Variants in CSMD1 observed in about 807,000 individuals in gnomAD.
CSMD1 encodes the protein CUB and Sushi multiple domains 1.
In CSMD1, 213 loss-of-function variants were observed where a neutral mutation model predicts 417.5. That is an observed-to-expected ratio of 0.51 (90% CI 0.46 to 0.57). The LOEUF (loss-of-function observed/expected upper bound fraction) is 0.57, where lower values mean the gene tolerates loss of function less well. Among genes scored for constraint, CSMD1 ranks in the 20% least tolerant of loss-of-function variants. The pLI is 0.00. For synonymous variants in CSMD1, 2,862 were observed against 1,736.8 expected (o/e 1.65, Z -16.11); for missense variants, 6,923 against 4,529.7 (o/e 1.53, Z -15.17).
intron 50 of CSMD1, among the ~76,000 whole-genome samples, chr8:3,039,600 C>G (rs1810950454): frequency 6.6e-6 from 1 of 151,892 alleles, no homozygotes; most frequent in Non-Finnish European, 1.5e-5. Context: ...ACTTCCACCA[C>G]TTGTACTAAC....
rs62480997 is a variant in CSMD1, at chr8:4,416,865, A to G, written c.415+3088T>C. On this transcript the variant is annotated intron_variant, in intron 3 of 69. Transcript: ENST00000635120. ...TGATAAAAGAAGAAACATTACACAA[A>G]TAAAATTTATAGACATAGTACTTCA... Among the ~76,000 whole-genome samples, 1,309 of 152,224 alleles carry G rather than the reference A, an allele frequency of 8.6e-3. 7 individuals carry two copies. Among genetic ancestry groups the G allele is most frequent in the Middle Eastern group, 0.014 (4 of 294 alleles).
At chr8:3,242,883 G>A (rs926436766) in intron 26 of CSMD1, among the ~76,000 whole-genome samples, 1 of 152,022 alleles carries the variant, frequency 6.6e-6, no homozygotes, top group Non-Finnish European at 1.5e-5. Flanking sequence ...AGAGATAAGA[G>A]GTTGGGGCGT....
chr8:3,822,856 G>T (rs972219485), intron 5 of CSMD1, among the ~76,000 whole-genome samples: 1 of 151,994 alleles, frequency 6.6e-6, no homozygotes, highest in African/African-American at 2.4e-5. Context: ...CTATGCATGT[G>T]GTATTTAGAA....
At chr8:4,492,779 C>T (rs1801770475) in intron 2 of CSMD1, among the ~76,000 whole-genome samples, 2 of 152,218 alleles carry the variant, frequency 1.3e-5, no homozygotes, top group Non-Finnish European at 2.9e-5. Flanking sequence ...AATCTCTTTC[C>T]ATACAGTTCT....
chr8:4,257,059 T>C (rs1361284613), intron 3 of CSMD1, among the ~76,000 whole-genome samples: 3 of 152,218 alleles, frequency 2.0e-5, no homozygotes, highest in African/African-American at 4.8e-5. Context: ...GTCATCATTT[T>C]AAAATTGACA....
At chr8:4,552,566 T>C (rs1364182322) in intron 2 of CSMD1, among the ~76,000 whole-genome samples, 2 of 152,090 alleles carry the variant, frequency 1.3e-5, no homozygotes, top group Admixed American at 1.3e-4. Context: ...CACTAGTATC[T>C]TGGGCATCCG....
intron 2 of CSMD1, among the ~76,000 whole-genome samples, chr8:4,620,446 T>A (rs1034882968): frequency 1.3e-5 from 2 of 151,610 alleles, no homozygotes; most frequent in African/African-American, 4.8e-5. Flanking sequence ...TAAATAATCA[T>A]AGATAACGCT....
At chr8:4,126,946 G>A (rs1802798620) in intron 3 of CSMD1, among the ~76,000 whole-genome samples, 1 of 152,048 alleles carries the variant, frequency 6.6e-6, no homozygotes, top group Non-Finnish European at 1.5e-5. Flanking sequence ...AAGAGACCCT[G>A]CAGGTGAGGA....
chr8:4,528,596 A>C (rs1487227506), intron 2 of CSMD1, among the ~76,000 whole-genome samples: 1 of 152,246 alleles, frequency 6.6e-6, no homozygotes, highest in African/African-American at 2.4e-5. Context: ...ATAACAATAA[A>C]CATAAAGCAA....
intron 3 of CSMD1, among the ~76,000 whole-genome samples, chr8:4,181,746 C>G (rs1252227231): frequency 6.6e-6 from 1 of 152,078 alleles, no homozygotes; most frequent in Admixed American, 6.6e-5. Context: ...AAATAAACAA[C>G]AATTCTTATC....
chr8:2,958,342 T>C (rs772971082), intron 62 of CSMD1, among the ~76,000 whole-genome samples: 1 of 152,204 alleles, frequency 6.6e-6, no homozygotes, highest in East Asian at 1.9e-4. Flanking sequence ...CTTAATTCTC[T>C]GTACTTTGCT....
intron 8 of CSMD1, among the ~76,000 whole-genome samples, chr8:3,603,092 G>C (rs1022892624): frequency 5.9e-5 from 9 of 152,176 alleles, no homozygotes; most frequent in African/African-American, 1.2e-4. Context: ...CATTCAGAGT[G>C]TGTCATTTTT....
chr8:3,906,783 G>C (rs1336259379), intron 5 of CSMD1, among the ~76,000 whole-genome samples: 1 of 151,956 alleles, frequency 6.6e-6, no homozygotes, highest in African/African-American at 2.4e-5. Flanking sequence ...CTTTTATATT[G>C]AACATATATA....
intron 3 of CSMD1, among the ~76,000 whole-genome samples, chr8:4,169,755 G>A (rs535542713): frequency 2.0e-5 from 3 of 152,130 alleles, no homozygotes; most frequent in Non-Finnish European, 4.4e-5. Flanking sequence ...GCCCCCTTGA[G>A]GACTATTCAT....
chr8:4,106,117 G>C (rs1801555088), intron 3 of CSMD1, among the ~76,000 whole-genome samples: 1 of 152,192 alleles, frequency 6.6e-6, no homozygotes, highest in African/African-American at 2.4e-5. Flanking sequence ...TGTGGGTGGA[G>C]GGAAAGTGAC....
intron 1 of CSMD1, among the ~76,000 whole-genome samples, chr8:4,957,907 G>A (rs1225829217): frequency 6.6e-6 from 1 of 152,170 alleles, no homozygotes; most frequent in East Asian, 1.9e-4. Context: ...GCTGGTGTCT[G>A]TAAGGAGAAG....
At chr8:4,540,130 A>C (rs1323807967) in intron 2 of CSMD1, among the ~76,000 whole-genome samples, 2 of 152,204 alleles carry the variant, frequency 1.3e-5, no homozygotes, top group African/African-American at 4.8e-5. Flanking sequence ...ATAAACACCG[A>C]AAGTGGTTGG....
At chr8:3,321,945 C>G (rs1219871043) in intron 23 of CSMD1, among the ~76,000 whole-genome samples, 2 of 152,080 alleles carry the variant, frequency 1.3e-5, no homozygotes, top group Admixed American at 6.6e-5. Flanking sequence ...TTTAGCAAAC[C>G]TAAAATGGAA....
chr8:4,577,802 T>A (rs1799206333), intron 2 of CSMD1, among the ~76,000 whole-genome samples: 1 of 152,206 alleles, frequency 6.6e-6, no homozygotes, highest in South Asian at 2.1e-4. Flanking sequence ...AAAAGATACC[T>A]GATTTAGAGC....
Sources: gnomAD v4.1 joint callset for allele counts (sites outside exome capture counted in the v4.1 genomes callset) on GRCh38, gnomAD v4.1.1 for gene constraint, MANE v1.5 for transcripts, NCBI Gene and HGNC (gene_info 2026-07-23, HGNC 2026-07-21) for gene names.